CUL4A: variants seen among roughly 807,000 people sequenced by gnomAD.
The protein encoded by CUL4A is cullin 4A, also known as cullin-4A.
In CUL4A, 16 loss-of-function variants were observed where a neutral mutation model predicts 95.5. The observed-to-expected ratio is 0.17, with a 90% CI of 0.11 to 0.25. CUL4A has a LOEUF of 0.25. CUL4A is among the 10% of genes least tolerant of loss of function. The pLI, the probability that CUL4A is intolerant of heterozygous loss-of-function variation, is 1.00. For missense variants in CUL4A, 610 were observed against 937.0 expected, an observed-to-expected ratio of 0.65 and a Z score of 4.56; for synonymous variants, 380 against 353.1, an observed-to-expected ratio of 1.08 and a Z score of -0.85.
chr13:113,254,750 G>A lies in CUL4A; in HGVS notation c.1810G>A (p.Glu604Lys), dbSNP rs377274371. Reference sequence around the variant, plus strand: ...GACACTGGTGCTCCTCATGTTCAACGAGGGAGATGGCTTCAGCTTTGAGGA... The same window carrying A: ...GACACTGGTGCTCCTCATGTTCAACAAGGGAGATGGCTTCAGCTTTGAGGA... The part of the protein sequence containing the change: ...FQTLVLLMFN[E>K]GDGFSFEEIK... Residue 604 changes from glutamate (E) to lysine (K), a missense_variant, in exon 17 of 20, where the codon GAG becomes AAG. Glu to Lys is a moderately conservative substitution (Grantham distance 56). This residue lies in a region of CUL4A where 72 missense variants were observed against 93.2 expected (regional missense o/e 0.77). Coordinates refer to ENST00000375440, the MANE Select transcript of CUL4A (RefSeq NM_001008895.4). The A allele has an allele frequency of 1.7e-5, 28 of 1,613,406 alleles. No homozygotes were observed. The Admixed American group carries it at 3.8e-4, about 22-fold the overall frequency.
At position 113,260,643 on chromosome 13, in the gene CUL4A, C is replaced by A; in HGVS notation, c.2068C>A (p.Gln690Lys). 1 of 1,612,386 alleles carries A rather than the reference C, an allele frequency of 6.2e-7. No homozygotes were observed. Among genetic ancestry groups the A allele is most frequent in the Non-Finnish European group, 8.5e-7 (1 of 1,179,482 alleles). Residue 690 changes from glutamine (Q) to lysine (K), a missense_variant, in exon 19 of 20, where the codon CAG (glutamine) becomes AAG (lysine). Physicochemically the swap from Gln to Lys is moderately conservative, Grantham distance 53. Around this residue, in one of 10 missense-constraint regions of CUL4A, gnomAD observed 28 missense variants for 86.4 expected, o/e 0.32. Coordinates refer to ENST00000375440, the MANE Select transcript of CUL4A (RefSeq NM_001008895.4). ...GGTTAGCACCACTGAGAGAGTGTTT[C>A]AGGATAGACAATATCAGATTGATGC... ...EQVSTTERVF[Q>K]DRQYQIDAAI...
chr13:113,228,336 TC>T (rs1442575265), intron 4 of CUL4A, among the ~76,000 whole-genome samples: 1 of 152,196 alleles, frequency 6.6e-6, no homozygotes, highest in Non-Finnish European at 1.5e-5. Context: ...CTCCTCAGAA[TC>T]TAGCCTGAAT....
At chr13:113,228,415 C>T (rs1277240220) in intron 4 of CUL4A, among the ~76,000 whole-genome samples, 1 of 152,134 alleles carries the variant, frequency 6.6e-6, no homozygotes, top group Admixed American at 6.5e-5. Context: ...TTTGACTTGA[C>T]GTCATGTATA....
At chr13:113,213,669 C>T (rs940060549) in intron 2 of CUL4A, among the ~76,000 whole-genome samples, 2 of 152,206 alleles carry the variant, frequency 1.3e-5, no homozygotes, top group Non-Finnish European at 2.9e-5. Flanking sequence ...TCTTATAAAA[C>T]AATCACTAGA....
Position 113,210,056 on chromosome 13 carries a change from T to C in CUL4A, c.232T>C (p.Ser78Pro). The C allele has an allele frequency of 6.6e-7, 1 of 1,518,308 alleles. No individual in the cohort carries two copies. The allele number at this position is 1,518,308 out of a possible 1,614,324, so 94.1% of individuals were successfully genotyped here. ...GGTGCGGGCCGTGCAGAGCAGCACCTCCATCAGGTACAACCTCGAGGAGCT... is the reference window on the plus strand; with the variant it reads ...GGTGCGGGCCGTGCAGAGCAGCACCCCCATCAGGTACAACCTCGAGGAGCT... Reference protein sequence around the residue: ...EAVRAVQSSTSIRYNLEELYQ... With the variant: ...EAVRAVQSSTPIRYNLEELYQ... Residue 78 changes from serine (S) to proline (P), a missense_variant, in exon 2 of 20, where the codon TCC (serine) becomes CCC (proline). Ser to Pro is a moderately conservative substitution (Grantham distance 74). This residue lies in a region of CUL4A where 168 missense variants were observed against 185.5 expected (regional missense o/e 0.91). Transcript: ENST00000375440.
chr13:113,217,476 T>C (rs1029952674), intron 2 of CUL4A, among the ~76,000 whole-genome samples: 19 of 152,340 alleles, frequency 1.2e-4, no homozygotes, highest in African/African-American at 3.8e-4. Flanking sequence ...GGATTATAAT[T>C]AAAAACAGGA....
Position 113,232,388 on chromosome 13 carries a change from ATATTACTGCTGCCACCACCACCAC to A in CUL4A, c.513-781_513-758del, listed in dbSNP as rs1181855955. On this transcript the variant is annotated intron_variant, in intron 5 of 19. Coordinates refer to ENST00000375440, the MANE Select transcript of CUL4A (RefSeq NM_001008895.4). ...CTGCCACCACCACCTGTCCACCACTATATTACTGCTGCCACCACCACCACTATTACTATTACTGCCACCACCAGC... is the reference window on the plus strand; with the variant it reads ...CTGCCACCACCACCTGTCCACCACTATATTACTATTACTGCCACCACCAGC... Among the ~76,000 whole-genome samples the A allele has an allele frequency of 2.7e-3, 399 of 145,582 alleles. 2 individuals are homozygous for A. Among genetic ancestry groups the A allele is most frequent in the African/African-American group, 9.8e-3 (388 of 39,558 alleles).
intron 2 of CUL4A, 36 bp downstream of exon 2, chr13:113,210,124 G>C (rs1409468029): frequency 7.2e-6 from 10 of 1,382,412 alleles, no homozygotes; most frequent in Non-Finnish European, 9.5e-6. Flanking sequence ...CGCCGCTCCT[G>C]CCCCGCGTGA....
intron 2 of CUL4A, among the ~76,000 whole-genome samples, chr13:113,217,666 C>A (rs946233679): frequency 4.6e-5 from 7 of 152,082 alleles, no homozygotes; most frequent in Non-Finnish European, 8.8e-5. Flanking sequence ...TTTAATTTAC[C>A]TTTTTTCCTA....
At chr13:113,256,950 G>A (rs1253235574) in intron 18 of CUL4A, among the ~76,000 whole-genome samples, 1 of 10,744 alleles carries the variant, frequency 9.3e-5, no homozygotes, top group Admixed American at 1.0e-3. Flanking sequence ...TTTTTTTTTT[G>A]CATTTCACTC....
chr13:113,254,748 A>G lies in CUL4A; in HGVS notation c.1808A>G (p.Asn603Ser). 1.9e-6 allele frequency: 3 copies of G among 1,613,510 alleles called. No individual in the cohort carries two copies. The highest frequency in any genetic ancestry group is 1.1e-5 in the South Asian group (1 of 90,862). ...LFQTLVLLMF[N>S]EGDGFSFEEI... ...CAGACACTGGTGCTCCTCATGTTCA[A>G]CGAGGGAGATGGCTTCAGCTTTGAG... The change falls in exon 17 of 20, where the codon AAC becomes AGC. Residue 603 changes from asparagine (N) to serine (S), a missense_variant. Transcript: ENST00000375440.
At chr13:113,219,190 A>G in intron 3 of CUL4A, 142 bp downstream of exon 3, 2 of 521,306 alleles carry the variant, frequency 3.8e-6, no homozygotes, top group Non-Finnish European at 3.3e-6. Context: ...TAGGTTTGTA[A>G]GCGAAATTTA....
chr13:113,250,252 G>C (rs888331634), intron 15 of CUL4A, among the ~76,000 whole-genome samples: 1 of 152,056 alleles, frequency 6.6e-6, no homozygotes, highest in African/African-American at 2.4e-5. Context: ...CAGGAGTTAG[G>C]AACAGCCTAG....
rs75693447 is a variant in CUL4A at position 113,210,849 on chromosome 13, C to T, written c.264+761C>T. Among the ~76,000 whole-genome samples the T allele has an allele frequency of 8.6e-3, 1,302 of 152,196 alleles. 22 individuals are homozygous for T. The highest frequency in any genetic ancestry group is 0.03 in the African/African-American group (1,256 of 41,550). ...TGCATTGTAAAAATTATAAAAAATACAAAAAAGAAGACTTCAATCACCTAT... is the reference window on the plus strand; with the variant it reads ...TGCATTGTAAAAATTATAAAAAATATAAAAAAGAAGACTTCAATCACCTAT... On this transcript the variant is annotated intron_variant, in intron 2 of 19. Coordinates refer to ENST00000375440, the MANE Select transcript of CUL4A (RefSeq NM_001008895.4).
At chr13:113,208,655 A>G, upstream of CUL4A, 1 of 1,603,258 alleles carries the variant, frequency 6.2e-7, no homozygotes, top group Non-Finnish European at 8.5e-7. Context: ...CCGAACGGAG[A>G]GCGCCACCCC....
chr13:113,229,394 A>G, intron 4 of CUL4A, 52 bp from the exon 5 acceptor site: 1 of 1,509,976 alleles, frequency 6.6e-7, no homozygotes, highest in East Asian at 2.3e-5. Context: ...CTGATCTTTC[A>G]TATTTTGCTA....
At chr13:113,217,178 A>C (rs2040725427) in intron 2 of CUL4A, among the ~76,000 whole-genome samples, 1 of 152,224 alleles carries the variant, frequency 6.6e-6, no homozygotes, top group Admixed American at 6.5e-5. Flanking sequence ...TTATATAAAA[A>C]ACTTACTTTG....
intron 3 of CUL4A, 107 bp downstream of exon 3, chr13:113,219,155 G>T (rs2040805829): frequency 3.5e-6 from 2 of 576,708 alleles, no homozygotes; most frequent in Non-Finnish European, 5.7e-6. Flanking sequence ...TAAAACAACA[G>T]CTTTTAAAGT....
At position 113,232,096 on chromosome 13, in the gene CUL4A, G is replaced by GC. The variant is rs1566343167; in HGVS notation, c.513-1081_513-1080insC. The stretch of plus-strand genomic sequence containing the variant: ...CCACTACCCGCCCACCACCATTACT[G>GC]TCACCACTACCCGCCCACCACCATT... On this transcript the variant is annotated intron_variant, in intron 5 of 19. Transcript: ENST00000375440. Among the ~76,000 whole-genome samples, 666 of 144,446 alleles carry GC rather than the reference G, an allele frequency of 4.6e-3. 59 individuals are homozygous for GC. Among genetic ancestry groups the GC allele is most frequent in the Middle Eastern group, 0.011 (3 of 278 alleles). The allele number at this position is 144,446 out of a possible 152,430, so 94.8% of individuals were successfully genotyped here. A position where few individuals can be genotyped will look rare whatever the true frequency, so the allele number is the denominator to read the frequency against.
Sources: allele counts gnomAD v4.1 joint callset (sites outside exome capture counted in the v4.1 genomes callset), GRCh38; gene constraint gnomAD v4.1.1; regional missense constraint gnomAD v4.1.1; transcripts MANE v1.5; gene names NCBI Gene and HGNC (gene_info 2026-07-23, HGNC 2026-07-21).